THADA: variants seen among roughly 807,000 people sequenced by gnomAD.
THADA encodes the protein THADA armadillo repeat containing.
THADA carries 213 observed loss-of-function variants against 219.8 expected under a neutral mutation model. The ratio of observed to expected loss-of-function variants is 0.97; its 90% confidence interval spans 0.87 to 1.09. The LOEUF is 1.09. Among genes scored for constraint, THADA ranks in the 50% least tolerant of loss-of-function variants. The pLI is 0.00. For synonymous variants in THADA, 1,018 were observed against 828.9 expected, an observed-to-expected ratio of 1.23 and a Z score of -3.92; for missense variants, 2,956 against 2,311.3, an observed-to-expected ratio of 1.28 and a Z score of -5.72.
intron 26 of THADA, among the ~76,000 whole-genome samples, chr2:43,445,485 C>T (rs1427769502): frequency 6.6e-6 from 1 of 152,182 alleles, no homozygotes; most frequent in African/African-American, 2.4e-5. Context: ...GTCAGAATCT[C>T]ACACTCAGGA....
In THADA at chr2:43,312,717, G is replaced by GTT. The variant is rs1276809031; in HGVS notation, c.4438+7727_4438+7728dup. Among the ~76,000 whole-genome samples, 335 of 126,324 alleles carry GTT rather than the reference G, an allele frequency of 2.7e-3. 1 individual carries two copies. The highest frequency in any genetic ancestry group is 8.3e-3 in the African/African-American group (293 of 35,198). The allele number at this position is 126,324 out of a possible 152,430, so 82.9% of individuals were successfully genotyped here. On this transcript the variant is annotated intron_variant, in intron 31 of 37. Coordinates refer to ENST00000405975, the MANE Select transcript of THADA (RefSeq NM_022065.5). ...AACTAATTTATTGACAACAAAGCCT[G>GTT]TTTTTTTTTTTTTTTTTTCCTCCTC...
chr2:43,250,695 C>G (rs1268717649), intron 36 of THADA, among the ~76,000 whole-genome samples: 3 of 151,040 alleles, frequency 2.0e-5, no homozygotes, highest in Non-Finnish European at 4.4e-5. Flanking sequence ...GAGATCGTTT[C>G]TCTATAAAAA....
At chr2:43,592,629 G>GGGAGCAAAACTGC (rs2104200944) in intron 1 of THADA, among the ~76,000 whole-genome samples, 1 of 152,148 alleles carries the variant, frequency 6.6e-6, no homozygotes, top group East Asian at 1.9e-4. Flanking sequence ...GTGTCCCCTG[G>GGGAGCAAAACTGC]GGAGCAAAAC....
At chr2:43,417,037 C>CTTTTTT (rs67993873) in intron 28 of THADA, among the ~76,000 whole-genome samples, 142 of 93,722 alleles carry the variant, frequency 1.5e-3, no homozygotes, top group East Asian at 2.1e-3. Flanking sequence ...TGGCTGTTTT[C>CTTTTTT]TTTTTTTTTT....
intron 30 of THADA, among the ~76,000 whole-genome samples, chr2:43,326,433 G>C (rs1679344846): frequency 6.6e-6 from 1 of 152,164 alleles, no homozygotes; most frequent in Non-Finnish European, 1.5e-5. Flanking sequence ...AGGGACAATG[G>C]TATGGGGGGC....
At chr2:43,372,228 A>C (rs1670890785) in intron 29 of THADA, 1 of 152,230 alleles carries the variant, frequency 6.6e-6, no homozygotes, top group Admixed American at 6.5e-5. Flanking sequence ...TCAAACAAAA[A>C]ATAAGTTTTA....
chr2:43,279,330 G>A (rs1381422059), intron 36 of THADA, among the ~76,000 whole-genome samples: 7 of 151,984 alleles, frequency 4.6e-5, no homozygotes, highest in East Asian at 3.9e-4. Context: ...ATCATTTCTC[G>A]CTTTCTGTCA....
intron 10 of THADA, among the ~76,000 whole-genome samples, chr2:43,576,710 A>C (rs562239494): frequency 6.6e-6 from 1 of 152,308 alleles, no homozygotes; most frequent in South Asian, 2.1e-4. Context: ...GCTTGAGTGC[A>C]GTGGCACAAT....
chr2:43,291,838 C>T, intron 33 of THADA, 70 bp from the exon 34 acceptor site: 1 of 1,368,822 alleles, frequency 7.3e-7, no homozygotes. Context: ...CCGGTTTTTG[C>T]AGATAGTCTG....
At chr2:43,351,119 T>A (rs1668204377) in intron 29 of THADA, among the ~76,000 whole-genome samples, 1 of 152,150 alleles carries the variant, frequency 6.6e-6, no homozygotes, top group Non-Finnish European at 1.5e-5. Context: ...AAAAACAACT[T>A]AACTGCCTGG....
chr2:43,498,735 G>T, intron 25 of THADA, 98 bp downstream of exon 25: 1 of 1,269,706 alleles, frequency 7.9e-7, no homozygotes, highest in Non-Finnish European at 1.1e-6. Context: ...ATGGTAAAGG[G>T]CAGGAAATAT....
intron 16 of THADA, among the ~76,000 whole-genome samples, chr2:43,557,635 G>GC (rs771472253): frequency 1.6e-4 from 25 of 152,188 alleles, no homozygotes; most frequent in Non-Finnish European, 2.9e-4. Context: ...TTGTAGTCAT[G>GC]GAAAGGCACT....
intron 28 of THADA, among the ~76,000 whole-genome samples, chr2:43,424,639 T>C (rs1264460186): frequency 6.6e-6 from 1 of 152,228 alleles, no homozygotes; most frequent in Non-Finnish European, 1.5e-5. Context: ...TACAGTTTTA[T>C]CACATTCACT....
chr2:43,385,259 C>A (rs955422105), intron 29 of THADA, among the ~76,000 whole-genome samples: 1 of 152,126 alleles, frequency 6.6e-6, no homozygotes, highest in Non-Finnish European at 1.5e-5. Context: ...GAAACTGAAA[C>A]TGCATTTCAG....
At chr2:43,589,098 T>C (rs1164150535) in intron 4 of THADA, among the ~76,000 whole-genome samples, 1 of 152,128 alleles carries the variant, frequency 6.6e-6, no homozygotes, top group East Asian at 1.9e-4. Context: ...AGTATTACCA[T>C]ATGGTCCAGC....
chr2:43,558,381 AC>A (rs1269619450), intron 16 of THADA, among the ~76,000 whole-genome samples: 11 of 152,206 alleles, frequency 7.2e-5, no homozygotes, highest in Middle Eastern at 3.2e-3. Context: ...GATGGTTAAT[AC>A]TGAGTGTCAG....
chr2:43,279,562 AT>A (rs1673102171), intron 36 of THADA, among the ~76,000 whole-genome samples: 2 of 152,226 alleles, frequency 1.3e-5, no homozygotes, highest in Admixed American at 6.5e-5. Context: ...GAAGCTGCCT[AT>A]TTTTGTAAGC....
chr2:43,429,889 C>T (rs1164075058), intron 27 of THADA, among the ~76,000 whole-genome samples: 1 of 150,372 alleles, frequency 6.7e-6, no homozygotes, highest in Admixed American at 6.6e-5. Flanking sequence ...AGCAGTCTGA[C>T]CGTGCACAGT....
intron 14 of THADA, 129 bp downstream of exon 14, chr2:43,570,259 C>T: frequency 2.2e-6 from 2 of 930,066 alleles, no homozygotes; most frequent in South Asian, 1.9e-5. Context: ...ATAGGTAATA[C>T]TCAGCTTGAA....
Sources: gnomAD v4.1 joint callset for allele counts (sites outside exome capture counted in the v4.1 genomes callset) on GRCh38, gnomAD v4.1.1 for gene constraint, MANE v1.5 for transcripts, NCBI Gene and HGNC (gene_info 2026-07-23, HGNC 2026-07-21) for gene names.